MTUS2: variants seen among roughly 807,000 people sequenced by gnomAD.
MTUS2 encodes the protein microtubule-associated tumor suppressor candidate 2.
MTUS2 carries 40 observed loss-of-function variants against 114.1 expected under a neutral mutation model. The ratio of observed to expected loss-of-function variants is 0.35; its 90% CI spans 0.27 to 0.46. MTUS2 has a LOEUF of 0.46. MTUS2 is among the 20% of genes least tolerant of loss of function. The probability of loss-of-function intolerance (pLI) is 1.00; values close to 1 mark genes in which losing one functional copy is unlikely to be tolerated. For synonymous variants in MTUS2, 688 were observed against 672.0 expected, an observed-to-expected ratio of 1.02 and a Z score of -0.37; for missense variants, 1,679 against 1,705.4, an observed-to-expected ratio of 0.98 and a Z score of 0.27.
At chr13:29,410,438 G>A (rs1423638046) in intron 8 of MTUS2, among the ~76,000 whole-genome samples, 1 of 152,088 alleles carries the variant, frequency 6.6e-6, no homozygotes, top group Non-Finnish European at 1.5e-5. Flanking sequence ...GTAGTTTTTA[G>A]TTGCAGCCAA....
intron 5 of MTUS2, among the ~76,000 whole-genome samples, chr13:29,177,945 AAAG>A (rs1354701033): frequency 6.6e-6 from 1 of 152,148 alleles, no homozygotes; most frequent in Non-Finnish European, 1.5e-5. Context: ...TTCCAGGAAG[AAAG>A]AAGATACAAA....
chr13:29,458,947 G>A (rs1050299069), intron 9 of MTUS2, among the ~76,000 whole-genome samples: 5 of 152,206 alleles, frequency 3.3e-5, no homozygotes, highest in African/African-American at 1.2e-4. Flanking sequence ...GGGACTCATC[G>A]CCACTGTCCC....
At chr13:28,937,358 GGA>G (rs1210715343) in intron 2 of MTUS2, among the ~76,000 whole-genome samples, 1 of 151,894 alleles carries the variant, frequency 6.6e-6, no homozygotes, top group Non-Finnish European at 1.5e-5. Context: ...TCTGTAAAAT[GGA>G]CCAATCAGCA....
At chr13:29,029,216 T>G (rs1886701989) in intron 3 of MTUS2, among the ~76,000 whole-genome samples, 1 of 152,180 alleles carries the variant, frequency 6.6e-6, no homozygotes, top group Non-Finnish European at 1.5e-5. Context: ...AGAGAGAGGA[T>G]TCTGGCTGGA....
At chr13:29,304,596 A>T (rs1400920151) in intron 6 of MTUS2, among the ~76,000 whole-genome samples, 1 of 152,230 alleles carries the variant, frequency 6.6e-6, no homozygotes, top group African/African-American at 2.4e-5. Context: ...AACTATTCTA[A>T]ATATATATGC....
intron 8 of MTUS2, among the ~76,000 whole-genome samples, chr13:29,408,707 G>C: frequency 6.6e-6 from 1 of 151,410 alleles, no homozygotes; most frequent in African/African-American, 2.4e-5. Context: ...GATAACCATT[G>C]TCCTAGCCTC....
Position 29,024,990 on chromosome 13 carries a change from T to C in MTUS2, c.292T>C (p.Phe98Leu). 1.2e-6 allele frequency: 2 copies of C among 1,613,422 alleles called. No homozygotes were observed. Among genetic ancestry groups the C allele is most frequent in the Non-Finnish European group, 1.7e-6 (2 of 1,179,792 alleles). The change falls in exon 3 of 16, where the codon TTT becomes CTT. Residue 98 changes from phenylalanine (F) to leucine (L), a missense_variant. Physicochemically the swap from Phe to Leu is conservative, Grantham distance 22 (BLOSUM62 0). Coordinates refer to ENST00000612955, the MANE Select transcript of MTUS2 (RefSeq NM_001033602.4). ...SQAGSASLKD[F>L]RLSSTIQREL... Reference sequence around the variant, plus strand: ...GGCTGGCTCTGCCAGCCTGAAAGATTTTAGACTTTCTTCAACCATTCAGAG... The same window carrying C: ...GGCTGGCTCTGCCAGCCTGAAAGATCTTAGACTTTCTTCAACCATTCAGAG...
intron 8 of MTUS2, among the ~76,000 whole-genome samples, chr13:29,426,284 A>C (rs376852866): frequency 2.0e-5 from 3 of 152,242 alleles, no homozygotes; most frequent in Non-Finnish European, 2.9e-5. Context: ...ATGATCCTCA[A>C]CTTACAACAG....
intron 2 of MTUS2, among the ~76,000 whole-genome samples, chr13:29,001,830 T>A (rs1434602517): frequency 1.3e-5 from 2 of 151,836 alleles, no homozygotes; most frequent in Non-Finnish European, 2.9e-5. Flanking sequence ...GAGGCAGGAG[T>A]GTCAAAGTCA....
intron 5 of MTUS2, among the ~76,000 whole-genome samples, chr13:29,203,450 C>T (rs867512003): frequency 2.0e-5 from 3 of 151,588 alleles, no homozygotes; most frequent in African/African-American, 7.3e-5. Context: ...TGCTGGGCTC[C>T]GTGGGGGTGG....
At chr13:28,827,701 C>T (rs1447296893) in intron 1 of MTUS2, among the ~76,000 whole-genome samples, 1 of 152,094 alleles carries the variant, frequency 6.6e-6, no homozygotes, top group African/African-American at 2.4e-5. Context: ...AATTTTAGAG[C>T]TGGGTGTCTG....
chr13:28,982,346 TA>T (rs34479954), intron 2 of MTUS2, among the ~76,000 whole-genome samples: 19,658 of 146,938 alleles, frequency 0.13, 1,584 homozygotes, highest in African/African-American at 0.21. Context: ...GGTTATTATT[TA>T]AAAAAAAAAA....
intron 2 of MTUS2, among the ~76,000 whole-genome samples, chr13:28,927,799 C>T (rs149495732): frequency 6.6e-6 from 1 of 152,236 alleles, no homozygotes; most frequent in Non-Finnish European, 1.5e-5. Context: ...AAAAGACTCT[C>T]AATAGCCAAA....
intron 9 of MTUS2, among the ~76,000 whole-genome samples, chr13:29,454,218 G>A (rs1312731938): frequency 6.6e-6 from 1 of 152,138 alleles, no homozygotes; most frequent in Admixed American, 6.5e-5. Flanking sequence ...ATCTGATGAA[G>A]AGCCAGGGCT....
chr13:28,908,073 C>T (rs567865990), intron 2 of MTUS2, among the ~76,000 whole-genome samples: 4 of 151,496 alleles, frequency 2.6e-5, no homozygotes, highest in Non-Finnish European at 5.9e-5. Flanking sequence ...TTGGAATCCA[C>T]TCAGTTTCTT....
chr13:29,056,322 C>T (rs1565983157), intron 4 of MTUS2, among the ~76,000 whole-genome samples: 3 of 152,080 alleles, frequency 2.0e-5, no homozygotes, highest in Non-Finnish European at 4.4e-5. Context: ...ACCCCAGCGC[C>T]ATTTATTGAA....
intron 6 of MTUS2, among the ~76,000 whole-genome samples, chr13:29,311,577 C>G (rs1899765879): frequency 6.6e-6 from 1 of 152,090 alleles, no homozygotes; most frequent in Non-Finnish European, 1.5e-5. Context: ...AATACGTGTC[C>G]TTTTATAAGA....
intron 4 of MTUS2, among the ~76,000 whole-genome samples, chr13:29,045,946 T>C (rs1887595039): frequency 6.6e-6 from 1 of 152,068 alleles, no homozygotes; most frequent in Non-Finnish European, 1.5e-5. Flanking sequence ...CCTGACACAT[T>C]TTTTTATATT....
At chr13:29,338,230 T>C (rs1901184539) in intron 7 of MTUS2, among the ~76,000 whole-genome samples, 1 of 152,224 alleles carries the variant, frequency 6.6e-6, no homozygotes, top group African/African-American at 2.4e-5. Context: ...GGTTATGTTC[T>C]TAATTTTAAC....
Sources: allele counts gnomAD v4.1 joint callset (sites outside exome capture counted in the v4.1 genomes callset), GRCh38; gene constraint gnomAD v4.1.1; transcripts MANE v1.5; gene names NCBI Gene and HGNC (gene_info 2026-07-23, HGNC 2026-07-21).